Variants in KDSR observed in about 807,000 individuals in gnomAD.
The protein encoded by KDSR is 3-dehydrosphinganine reductase.
A neutral mutation model predicts 41.3 loss-of-function variants in KDSR; 23 were observed. The ratio of observed to expected loss-of-function variants is 0.56; its 90% confidence interval spans 0.40 to 0.79. The LOEUF (loss-of-function observed/expected upper bound fraction) is 0.79, where lower values mean the gene tolerates loss of function less well. KDSR is among the 30% of genes least tolerant of loss of function. The pLI is 0.00. For synonymous variants in KDSR, 138 were observed against 151.7 expected, an observed-to-expected ratio of 0.91 and a Z score of 0.66; for missense variants, 351 against 416.8, an observed-to-expected ratio of 0.84 and a Z score of 1.37.
At chr18:63,340,582 A>G (rs371767598) in intron 7 of KDSR, among the ~76,000 whole-genome samples, 45 of 152,340 alleles carry the variant, frequency 3.0e-4, no homozygotes, top group African/African-American at 8.9e-4. Context: ...AGCAACTACT[A>G]TGTGTCAAGG....
intron 1 of KDSR, among the ~76,000 whole-genome samples, chr18:63,365,808 CTTAT>C (rs1414360814): frequency 6.6e-6 from 1 of 151,540 alleles, no homozygotes; most frequent in Non-Finnish European, 1.5e-5. Context: ...TTGCCTTTCT[CTTAT>C]TTATTTTTTG....
At chr18:63,333,150 A>C (rs1355085434) in intron 9 of KDSR, among the ~76,000 whole-genome samples, 2 of 152,112 alleles carry the variant, frequency 1.3e-5, no homozygotes, top group African/African-American at 4.8e-5. Flanking sequence ...GGAGTGCAGG[A>C]GTATGATCAC....
chr18:63,355,316 G>C lies in KDSR; in HGVS notation c.322-17C>G, dbSNP rs984600943. On this transcript the variant is annotated splice_polypyrimidine_tract_variant and intron_variant, in intron 4 of 9. Transcript: ENST00000645214. ...CTCCTGTGCCTAGAAAAATGTAGCAGAGCAGGCATTAAGAAACAGAGAAGA... is the reference window on the plus strand; with the variant it reads ...CTCCTGTGCCTAGAAAAATGTAGCACAGCAGGCATTAAGAAACAGAGAAGA... 3.1e-6 allele frequency: 5 copies of C among 1,610,554 alleles called. No individual in the cohort carries two copies. Among genetic ancestry groups the C allele is most frequent in the Middle Eastern group, 1.6e-4 (1 of 6,072 alleles).
chr18:63,362,658 C>A, intron 2 of KDSR, 121 bp downstream of exon 2: 5 of 648,842 alleles, frequency 7.7e-6, no homozygotes, highest in Non-Finnish European at 1.1e-5. Context: ...GTTCAGGAAA[C>A]ACATCTCACA....
rs536863557 is a variant in KDSR, at chr18:63,366,805, C to T, written c.108+206G>A. On this transcript the variant is annotated intron_variant, in intron 1 of 9. Transcript: ENST00000645214. ...ACGCTCTCCGGCCCTAGGAGGAGCC[C>T]GAGGCTGCGGAGGGCGGGTCCGCGA... The T allele has an allele frequency of 4.4e-4, 172 of 387,994 alleles. No homozygotes were observed. In the East Asian group the frequency reaches 5.5e-3, roughly 12 times the overall value. The allele number at this position is 387,994 out of a possible 1,614,324, so 24.0% of individuals were successfully genotyped here.
intron 9 of KDSR, among the ~76,000 whole-genome samples, chr18:63,334,589 T>C (rs1914102089): frequency 6.6e-6 from 1 of 152,190 alleles, no homozygotes. Flanking sequence ...TCTCAAGTGA[T>C]CTACCCACCT....
At chr18:63,360,034 A>G (rs1914918120) in intron 2 of KDSR, among the ~76,000 whole-genome samples, 1 of 152,244 alleles carries the variant, frequency 6.6e-6, no homozygotes, top group Non-Finnish European at 1.5e-5. Flanking sequence ...AAGATAGTAG[A>G]AAACAGATAA....
At chr18:63,360,560 G>A (rs2144378260) in intron 2 of KDSR, among the ~76,000 whole-genome samples, 1 of 152,246 alleles carries the variant, frequency 6.6e-6, no homozygotes, top group Admixed American at 6.5e-5. Context: ...ACTTTGCAAA[G>A]ACTGGAATTA....
chr18:63,364,138 A>G (rs970925176), intron 1 of KDSR, among the ~76,000 whole-genome samples: 11 of 152,090 alleles, frequency 7.2e-5, no homozygotes, highest in Non-Finnish European at 1.2e-4. Flanking sequence ...TTCATCTGAC[A>G]CCTACTCGCC....
chr18:63,338,542 C>T (rs560704535), intron 8 of KDSR, among the ~76,000 whole-genome samples: 13 of 152,238 alleles, frequency 8.5e-5, no homozygotes, highest in South Asian at 8.3e-4. Flanking sequence ...TTTAAAGAAC[C>T]GGTGTTTCCA....
intron 7 of KDSR, among the ~76,000 whole-genome samples, chr18:63,340,354 A>G (rs1161077070): frequency 6.6e-6 from 1 of 152,220 alleles, no homozygotes; most frequent in Non-Finnish European, 1.5e-5. Context: ...AGCCAAAGAG[A>G]AAAGAATAGG....
rs1243183492 is a variant in KDSR, at chr18:63,337,126, A to C, written c.777+1674T>G. Among the ~76,000 whole-genome samples the C allele has an allele frequency of 4.2e-4, 53 of 125,002 alleles. 3 individuals are homozygous for C. The highest frequency in any genetic ancestry group is 2.9e-3 in the Admixed American group (33 of 11,370). 82.0% of individuals were successfully genotyped at this position (125,002 alleles called of 152,430 possible). On this transcript the variant is annotated intron_variant, in intron 8 of 9. Transcript: ENST00000645214. ...TATATATATGTGAATATATATATAT[A>C]TATATATATATGGAGTTTTGCTCTT... is the stretch of plus-strand genomic sequence containing the variant.
intron 9 of KDSR, among the ~76,000 whole-genome samples, chr18:63,333,411 C>T (rs1914070111): frequency 6.6e-6 from 1 of 152,170 alleles, no homozygotes; most frequent in African/African-American, 2.4e-5. Context: ...AAGCTTTATC[C>T]TGATGGTATC....
At chr18:63,353,006 A>T (rs1914697313) in intron 5 of KDSR, among the ~76,000 whole-genome samples, 1 of 87,476 alleles carries the variant, frequency 1.1e-5, no homozygotes, top group Non-Finnish European at 2.4e-5. Flanking sequence ...GACTCTACTA[A>T]AAATACAAAA....
intron 3 of KDSR, among the ~76,000 whole-genome samples, chr18:63,357,643 C>A (rs1316162909): frequency 7.0e-6 from 1 of 141,926 alleles, no homozygotes; most frequent in African/African-American, 2.6e-5. Context: ...TGGAGTACAG[C>A]GGTGCAATCT....
At chr18:63,366,734 C>T (rs1403585783) in intron 1 of KDSR, 3 of 355,154 alleles carry the variant, frequency 8.4e-6, no homozygotes, top group Admixed American at 4.7e-5. Flanking sequence ...AGCCACAGAA[C>T]CCCTGGGGCC....
At chr18:63,362,710 T>G in intron 2 of KDSR, 69 bp downstream of exon 2, 2 of 1,052,840 alleles carry the variant, frequency 1.9e-6, no homozygotes, top group South Asian at 2.7e-5. Context: ...CTAAGATGTT[T>G]AGCACAGCCT....
intron 5 of KDSR, among the ~76,000 whole-genome samples, chr18:63,353,343 A>G (rs1171374437): frequency 6.6e-6 from 1 of 152,224 alleles, no homozygotes; most frequent in Non-Finnish European, 1.5e-5. Context: ...TAAAAATAAC[A>G]GCAATAACCT....
At chr18:63,360,459 G>A (rs1019427140) in intron 2 of KDSR, among the ~76,000 whole-genome samples, 1 of 152,138 alleles carries the variant, frequency 6.6e-6, no homozygotes, top group Non-Finnish European at 1.5e-5. Context: ...AAGGAGAGGC[G>A]AATTCTTCCA....
Sources: allele counts gnomAD v4.1 joint callset (sites outside exome capture counted in the v4.1 genomes callset), GRCh38; gene constraint gnomAD v4.1.1; transcripts MANE v1.5; gene names NCBI Gene and HGNC (gene_info 2026-07-23, HGNC 2026-07-21).